Variants in TXNL1 observed in about 807,000 individuals in gnomAD.
TXNL1 encodes the protein thioredoxin like 1, also known as thioredoxin-like protein 1.
Under a neutral mutation model 35.5 loss-of-function variants are expected in TXNL1, and 14 were observed. The ratio of observed to expected loss-of-function variants is 0.39; its 90% CI spans 0.26 to 0.62. The LOEUF is 0.62. TXNL1 is among the 20% of genes least tolerant of loss of function. The pLI, the probability that TXNL1 is intolerant of heterozygous loss-of-function variation, is 0.47. For missense variants in TXNL1, 263 were observed against 349.7 expected, an observed-to-expected ratio of 0.75 and a Z score of 1.98; for synonymous variants, 110 against 115.5, an observed-to-expected ratio of 0.95 and a Z score of 0.31.
In TXNL1 at chr18:56,621,282, T is replaced by C. The variant is rs987517085; in HGVS notation, c.369+3006A>G. ...TTGCAGTGGCGCAATCTTGGCTCAA[T>C]GCAACCTCCGCCTCCTGCAATTCTG... On this transcript the variant is annotated intron_variant, in intron 3 of 7. Coordinates refer to ENST00000217515, the MANE Select transcript of TXNL1 (RefSeq NM_004786.3). 4.0e-5 allele frequency among the ~76,000 whole-genome samples: 6 copies of C among 151,698 alleles called. No individual in the cohort carries two copies. In the South Asian group the frequency reaches 8.3e-4, roughly 21 times the overall value.
chr18:56,614,782 A>G (rs2024057080), intron 5 of TXNL1, among the ~76,000 whole-genome samples, 186 bp from the exon 6 acceptor site: 1 of 152,208 alleles, frequency 6.6e-6, no homozygotes, highest in Non-Finnish European at 1.5e-5. Context: ...TTTCCAAAAC[A>G]CATTTACTGG....
At position 56,629,585 on chromosome 18, in the gene TXNL1, T is replaced by C. The variant is rs192657824; in HGVS notation, c.99-3128A>G. Among the ~76,000 whole-genome samples, 495 of 152,282 alleles carry C rather than the reference T, an allele frequency of 3.3e-3. 5 individuals carry two copies. Among genetic ancestry groups the C allele is most frequent in the South Asian group, 0.022 (108 of 4,826 alleles). The stretch of plus-strand genomic sequence containing the variant: ...CACATTTCAAACCTATGTATATATA[T>C]AAATGCATAGGGGGTAAAAAGACAG... On this transcript the variant is annotated intron_variant, in intron 1 of 7. Transcript: ENST00000217515.
At chr18:56,604,367 G>A (rs1268421357) in intron 7 of TXNL1, 1 of 152,086 alleles carries the variant, frequency 6.6e-6, no homozygotes, top group African/African-American at 2.4e-5. Flanking sequence ...TTAAGCAAAA[G>A]AAAACAAAAA....
intron 4 of TXNL1, among the ~76,000 whole-genome samples, chr18:56,617,067 A>C (rs1021773818): frequency 6.6e-6 from 1 of 152,174 alleles, no homozygotes; most frequent in Non-Finnish European, 1.5e-5. Flanking sequence ...TTTTTAGGGC[A>C]CCATTTACAA....
chr18:56,597,840 A>G lies in TXNL1; in HGVS notation c.*5187T>C, dbSNP rs1313474623. The G allele has an allele frequency of 3.3e-5, 5 of 152,170 alleles. No individual in the cohort carries two copies. Among genetic ancestry groups the G allele is most frequent in the African/African-American group, 1.2e-4 (5 of 41,440 alleles). The allele number at this position is 152,170 out of a possible 1,614,324, so 9.4% of individuals were successfully genotyped here. On this transcript the variant is annotated 3_prime_UTR_variant, in exon 8 of 8. Coordinates refer to ENST00000217515, the MANE Select transcript of TXNL1 (RefSeq NM_004786.3). Reference sequence around the variant, plus strand: ...TGCAATTTAAGGCAATGTACCCAAAACCATATTCATCTTCCCCTCTGAACG... The same window carrying G: ...TGCAATTTAAGGCAATGTACCCAAAGCCATATTCATCTTCCCCTCTGAACG...
intron 3 of TXNL1, among the ~76,000 whole-genome samples, chr18:56,618,938 G>C (rs955916170): frequency 7.9e-5 from 12 of 151,978 alleles, no homozygotes; most frequent in African/African-American, 2.7e-4. Flanking sequence ...GGCCTGGTAC[G>C]ATGGCTCATG....
chr18:56,629,315 T>G (rs1441376512), intron 1 of TXNL1, among the ~76,000 whole-genome samples: 1 of 152,092 alleles, frequency 6.6e-6, no homozygotes, highest in South Asian at 2.1e-4. Flanking sequence ...ATCACTTGAG[T>G]CCAGGAGTTC....
At chr18:56,632,776 C>T (rs1438539329) in intron 1 of TXNL1, among the ~76,000 whole-genome samples, 2 of 152,122 alleles carry the variant, frequency 1.3e-5, no homozygotes, top group Non-Finnish European at 2.9e-5. Flanking sequence ...ATTTCTTGCA[C>T]ATTTTTGTAT....
intron 6 of TXNL1, among the ~76,000 whole-genome samples, chr18:56,611,858 T>TC (rs2023998417): frequency 6.9e-6 from 1 of 145,340 alleles, no homozygotes; most frequent in Admixed American, 6.9e-5. Flanking sequence ...TTTTTTTTTT[T>TC]TTTTTTAAGA....
rs60247973 is a variant in TXNL1 at position 56,602,383 on chromosome 18, T to TAAAAAAAAAAAAAAAAAAAAAAA, written c.*621_*643dup. The TAAAAAAAAAAAAAAAAAAAAAAA allele has an allele frequency of 9.2e-6, 1 of 108,878 alleles. No homozygotes were observed. The highest frequency in any genetic ancestry group is 1.8e-5 in the Non-Finnish European group (1 of 54,666). 6.7% of individuals were successfully genotyped at this position (108,878 alleles called of 1,614,324 possible). ...CTGATTTCCACATTCTTCTATTAGT[T>TAAAAAAAAAAAAAAAAAAAAAAA]AAAAAAAAAAAAAAAAAAAAAAAGG... On this transcript the variant is annotated 3_prime_UTR_variant, in exon 8 of 8. Transcript: ENST00000217515.
At chr18:56,631,771 T>A (rs183806378) in intron 1 of TXNL1, among the ~76,000 whole-genome samples, 1 of 151,992 alleles carries the variant, frequency 6.6e-6, no homozygotes, top group African/African-American at 2.4e-5. Context: ...AAATACAAAA[T>A]TAGCTGGGCC....
intron 3 of TXNL1, among the ~76,000 whole-genome samples, chr18:56,623,522 A>G (rs1440167144): frequency 6.6e-6 from 1 of 152,140 alleles, no homozygotes; most frequent in African/African-American, 2.4e-5. Context: ...GTAACCAGAG[A>G]AATTAAAAAC....
chr18:56,619,960 TTTG>T (rs2024154059), intron 3 of TXNL1, among the ~76,000 whole-genome samples: 1 of 151,862 alleles, frequency 6.6e-6, no homozygotes, highest in African/African-American at 2.4e-5. Flanking sequence ...AAAACTCAAT[TTTG>T]TTATTATTAT....
Position 56,625,747 on chromosome 18 carries a change from T to C in TXNL1, c.195+614A>G, listed in dbSNP as rs908121535. Among the ~76,000 whole-genome samples, 109 of 152,346 alleles carry C rather than the reference T, an allele frequency of 7.2e-4. 1 individual carries two copies. The highest frequency in any genetic ancestry group is 2.5e-3 in the African/African-American group (102 of 41,594). ...TAACAAAGATAAAGCTGCAGAGCTA[T>C]AGAGTTGTTCCTTAGTTAGAACTAA... On this transcript the variant is annotated intron_variant, in intron 2 of 7. Coordinates refer to ENST00000217515, the MANE Select transcript of TXNL1 (RefSeq NM_004786.3).
rs186113462 is a variant in TXNL1 at position 56,604,007 on chromosome 18, C to T, written c.841-951G>A. On this transcript the variant is annotated intron_variant, in intron 7 of 7. Coordinates refer to ENST00000217515, the MANE Select transcript of TXNL1 (RefSeq NM_004786.3). ...AGTACATGTCTGGTCTAAAATATAA[C>T]ATAGCTGGGTCAACATCATTCATGA... Among the ~76,000 whole-genome samples, 5 of 152,266 alleles carry T rather than the reference C, an allele frequency of 3.3e-5. No homozygotes were observed. In the East Asian group the frequency reaches 9.7e-4, roughly 29 times the overall value.
chr18:56,607,284 C>T (rs528154952), intron 7 of TXNL1, among the ~76,000 whole-genome samples: 3 of 151,622 alleles, frequency 2.0e-5, no homozygotes, highest in Non-Finnish European at 4.4e-5. Flanking sequence ...TCCCAAGTAG[C>T]TGGGACTACA....
intron 1 of TXNL1, among the ~76,000 whole-genome samples, chr18:56,629,979 A>G (rs992504916): frequency 6.6e-6 from 1 of 152,168 alleles, no homozygotes; most frequent in Non-Finnish European, 1.5e-5. Context: ...CAGGTGGATC[A>G]CTTTAGGGTG....
intron 3 of TXNL1, among the ~76,000 whole-genome samples, chr18:56,623,684 C>A (rs1412566663): frequency 2.6e-5 from 4 of 152,108 alleles, no homozygotes; most frequent in Non-Finnish European, 5.9e-5. Context: ...TTTCCACACA[C>A]TATCCTTTAG....
Position 56,627,167 on chromosome 18 carries a change from T to C in TXNL1, c.99-710A>G, listed in dbSNP as rs370213233. ...TTTACATATACTTGTATCAATACTA[T>C]ACTGTCTTAATGAGCCCAGATGTTA... is the stretch of plus-strand genomic sequence containing the variant. On this transcript the variant is annotated intron_variant, in intron 1 of 7. Transcript: ENST00000217515. Among the ~76,000 whole-genome samples, 15 of 152,242 alleles carry C rather than the reference T, an allele frequency of 9.9e-5. No homozygotes were observed. The East Asian group carries it at 2.3e-3, about 23-fold the overall frequency.
Sources: allele counts gnomAD v4.1 joint callset (sites outside exome capture counted in the v4.1 genomes callset), GRCh38; gene constraint gnomAD v4.1.1; transcripts MANE v1.5; gene names NCBI Gene and HGNC (gene_info 2026-07-23, HGNC 2026-07-21).